HEPACAM: variants seen among roughly 807,000 people sequenced by gnomAD.
The protein encoded by HEPACAM is hepatic and glial cell adhesion molecule, also known as hepatocyte cell adhesion molecule.
Under a neutral mutation model 38.3 loss-of-function variants are expected in HEPACAM, and 18 were observed. The ratio of observed to expected loss-of-function variants is 0.47; its 90% CI spans 0.33 to 0.70. HEPACAM has a LOEUF of 0.70. HEPACAM is among the 30% of genes least tolerant of loss of function. The pLI is 0.03. For missense variants in HEPACAM, 466 were observed against 563.0 expected, an observed-to-expected ratio of 0.83 and a Z score of 1.74; for synonymous variants, 216 against 243.1, an observed-to-expected ratio of 0.89 and a Z score of 1.04.
Position 124,919,697 on chromosome 11 carries a change from T to C in HEPACAM, c.*1441A>G. The C allele has an allele frequency of 6.3e-7, 1 of 1,592,976 alleles. No homozygotes were observed. The highest frequency in any genetic ancestry group is 2.1e-4 in the Middle Eastern group (1 of 4,740). On this transcript the variant is annotated 3_prime_UTR_variant, in exon 7 of 7. Transcript: ENST00000298251. Reference sequence around the variant, plus strand: ...GGGGTTCAGGGCAGAGGGGGCAAACTAGAAATGTCAGTGCCTTTGGGGCTG... The same window carrying C: ...GGGGTTCAGGGCAGAGGGGGCAAACCAGAAATGTCAGTGCCTTTGGGGCTG...
In HEPACAM at chr11:124,920,680, A is replaced by AGGG. The variant is rs1947118782; in HGVS notation, c.*457_*458insCCC. On this transcript the variant is annotated 3_prime_UTR_variant, in exon 7 of 7. Coordinates refer to ENST00000298251, the MANE Select transcript of HEPACAM (RefSeq NM_152722.5). ...GTGGCCTCTCTAATCTGAACTTGCA[A>AGGG]AAAAAAAAAAAAAAAAAAAAAAAAA... 1.9e-6 allele frequency: 1 copy of AGGG among 528,840 alleles called. No individual in the cohort carries two copies. The highest frequency in any genetic ancestry group is 6.0e-5 in the African/African-American group (1 of 16,682). The allele number at this position is 528,840 out of a possible 1,614,324, so 32.8% of individuals were successfully genotyped here. A position where few individuals can be genotyped will look rare whatever the true frequency, so the allele number is the denominator to read the frequency against.
chr11:124,932,838 C>T (rs1037661041), intron 1 of HEPACAM, among the ~76,000 whole-genome samples: 4 of 152,156 alleles, frequency 2.6e-5, no homozygotes, highest in African/African-American at 9.7e-5. Flanking sequence ...AAAGAAGATA[C>T]ACCTCATGGT....
intron 1 of HEPACAM, among the ~76,000 whole-genome samples, chr11:124,926,944 C>T (rs1385739086): frequency 6.6e-6 from 1 of 152,150 alleles, no homozygotes; most frequent in East Asian, 1.9e-4. Flanking sequence ...TCTCAGCTCA[C>T]TGCAAGCTCC....
At chr11:124,932,171 C>G (rs1043733680) in intron 1 of HEPACAM, among the ~76,000 whole-genome samples, 3 of 152,152 alleles carry the variant, frequency 2.0e-5, no homozygotes, top group Non-Finnish European at 2.9e-5. Context: ...TTTAAAGGCT[C>G]ACCAAACTGT....
intron 1 of HEPACAM, among the ~76,000 whole-genome samples, chr11:124,934,024 C>A (rs1471720598): frequency 6.6e-6 from 1 of 152,184 alleles, no homozygotes; most frequent in African/African-American, 2.4e-5. Flanking sequence ...TTAACTCTCA[C>A]CTATGGGCTA....
intron 1 of HEPACAM, among the ~76,000 whole-genome samples, chr11:124,933,565 C>T (rs1377848911): frequency 1.3e-5 from 2 of 152,152 alleles, no homozygotes; most frequent in Non-Finnish European, 2.9e-5. Context: ...TACTGACCGA[C>T]GTGATCTTTC....
chr11:124,920,102 T>G lies in HEPACAM; in HGVS notation c.*1036A>C. 1 of 1,444,180 alleles carries G rather than the reference T, an allele frequency of 6.9e-7. No homozygotes were observed. The allele number at this position is 1,444,180 out of a possible 1,614,324, so 89.5% of individuals were successfully genotyped here. On this transcript the variant is annotated 3_prime_UTR_variant, in exon 7 of 7. Transcript: ENST00000298251. ...GGGTGGCAGGAGGCCAGGGGTTGGA[T>G]CATGTTCCCCCCAAATGCTGGGAAG...
In HEPACAM at chr11:124,919,372, C is replaced by A; in HGVS notation, c.*1766G>T. Reference sequence around the variant, plus strand: ...CACTTCCTTACTTACCCCTCCCCACCCCCAATTTAAGGCAGATTTGGCTTA... The same window carrying A: ...CACTTCCTTACTTACCCCTCCCCACACCCAATTTAAGGCAGATTTGGCTTA... On this transcript the variant is annotated 3_prime_UTR_variant, in exon 7 of 7. Transcript: ENST00000298251. The A allele has an allele frequency of 4.3e-6, 1 of 232,154 alleles. No homozygotes were observed. The highest frequency in any genetic ancestry group is 8.3e-6 in the Non-Finnish European group (1 of 119,982). 14.4% of individuals were successfully genotyped at this position (232,154 alleles called of 1,614,324 possible).
At chr11:124,933,839 A>G (rs2135408221) in intron 1 of HEPACAM, among the ~76,000 whole-genome samples, 1 of 152,034 alleles carries the variant, frequency 6.6e-6, no homozygotes, top group African/African-American at 2.4e-5. Flanking sequence ...AACTCCCTTG[A>G]TTTTCTGGAC....
At position 124,920,678 on chromosome 11, in the gene HEPACAM, CAAAAAAAAAAAAAAAAA is replaced by C. The variant is rs71042463; in HGVS notation, c.*443_*459del. On this transcript the variant is annotated 3_prime_UTR_variant, in exon 7 of 7. Transcript: ENST00000298251. ...AAGTGGCCTCTCTAATCTGAACTTG[CAAAAAAAAAAAAAAAAA>C]AAAAAAAAAAAAAAGTGCCCCAGCA... The C allele has an allele frequency of 1.0e-4, 60 of 575,260 alleles. No individual in the cohort carries two copies. The African/African-American group carries it at 1.2e-3, about 11-fold the overall frequency. 35.6% of individuals were successfully genotyped at this position (575,260 alleles called of 1,614,324 possible).
intron 1 of HEPACAM, 137 bp from the exon 2 acceptor site, chr11:124,925,206 G>T: frequency 1.5e-6 from 1 of 658,534 alleles, no homozygotes; most frequent in Non-Finnish European, 2.5e-6. Context: ...GGCTTCTTAA[G>T]CCTGGGTGCT....
intron 5 of HEPACAM, 24 bp downstream of exon 5, chr11:124,922,721 G>A (rs568857575): frequency 1.9e-6 from 3 of 1,614,212 alleles, no homozygotes; most frequent in East Asian, 2.2e-5. Context: ...GATGGGATGG[G>A]TGATTGGGTG....
In HEPACAM at chr11:124,934,928, A is replaced by G. The variant is rs1229381007; in HGVS notation, c.85+994T>C. Among the ~76,000 whole-genome samples, 3 of 152,190 alleles carry G rather than the reference A, an allele frequency of 2.0e-5. No individual in the cohort carries two copies. The East Asian group carries it at 5.8e-4, about 29-fold the overall frequency. ...GTCTGGTTTACAAAGCTCTTGCCTC[A>G]CTCAATTCATGCTTTTCTCTCCAGC... On this transcript the variant is annotated intron_variant, in intron 1 of 6. Coordinates refer to ENST00000298251, the MANE Select transcript of HEPACAM (RefSeq NM_152722.5).
intron 1 of HEPACAM, among the ~76,000 whole-genome samples, chr11:124,934,652 G>T (rs1425957745): frequency 6.6e-6 from 1 of 151,572 alleles, no homozygotes; most frequent in African/African-American, 2.4e-5. Flanking sequence ...CTGACACCTC[G>T]ATCTCCCACT....
In HEPACAM at chr11:124,920,677, GCAAAAAA is replaced by G. The variant is rs1947118012; in HGVS notation, c.*454_*460del. 507 of 107,882 alleles carry G rather than the reference GCAAAAAA, an allele frequency of 4.7e-3. 3 individuals are homozygous for G. The highest frequency in any genetic ancestry group is 9.0e-3 in the Middle Eastern group (2 of 222). 6.7% of individuals were successfully genotyped at this position (107,882 alleles called of 1,614,324 possible). A position where few individuals can be genotyped will look rare whatever the true frequency, so the allele number is the denominator to read the frequency against. On this transcript the variant is annotated 3_prime_UTR_variant, in exon 7 of 7. Coordinates refer to ENST00000298251, the MANE Select transcript of HEPACAM (RefSeq NM_152722.5). ...AAAGTGGCCTCTCTAATCTGAACTT[GCAAAAAA>G]AAAAAAAAAAAAAAAAAAAAAAAAA...
In HEPACAM at chr11:124,923,998, C is replaced by T; in HGVS notation, c.440G>A (p.Arg147Lys). Residue 147 changes from arginine to lysine, a missense_variant, in exon 3 of 7, where the codon AGG (arginine) becomes AAG (lysine). By Grantham distance (26) the Arg-to-Lys change is conservative. Transcript: ENST00000298251. ...INLTVDVPISRPQVLVASTTV... is the reference protein window; with the variant it reads ...INLTVDVPISKPQVLVASTTV... ...GGTTGAAGCCACCAACACCTGTGGC[C>T]TCGAAATGGGCACTGAGCCGCAGGA... The T allele has an allele frequency of 6.2e-7, 1 of 1,609,456 alleles. No homozygotes were observed. The highest frequency in any genetic ancestry group is 8.5e-7 in the Non-Finnish European group (1 of 1,179,530).
Position 124,924,541 on chromosome 11 carries a change from A to G in HEPACAM, c.427+187T>C, listed in dbSNP as rs1947182164. ...CAAAGCACTTAGAATAGTTTCTGGCACATGGCAATCACTCTACATGTTAGC... is the reference window on the plus strand; with the variant it reads ...CAAAGCACTTAGAATAGTTTCTGGCGCATGGCAATCACTCTACATGTTAGC... On this transcript the variant is annotated intron_variant, in intron 2 of 6. Transcript: ENST00000298251. The surrounding 1 kb of genome is among the most constrained non-coding windows in gnomAD (Gnocchi z 4.4). The G allele has an allele frequency of 4.3e-6, 3 of 690,452 alleles. No individual in the cohort carries two copies. The allele number at this position is 690,452 out of a possible 1,614,324, so 42.8% of individuals were successfully genotyped here. A position where few individuals can be genotyped will look rare whatever the true frequency, so the allele number is the denominator to read the frequency against.
At chr11:124,923,648 C>T in intron 3 of HEPACAM, 81 bp downstream of exon 3, 1 of 1,555,004 alleles carries the variant, frequency 6.4e-7, no homozygotes. Flanking sequence ...AGTGACATTT[C>T]TTTGGGATGT....
chr11:124,921,333 C>A lies in HEPACAM; in HGVS notation c.1056G>T (p.Gly352=). The change falls in exon 7 of 7, where the codon GGG becomes GGT. Residue 352 remains glycine, a synonymous_variant. Coordinates refer to ENST00000298251, the MANE Select transcript of HEPACAM (RefSeq NM_152722.5). The surrounding 1 kb of genome is among the most constrained non-coding windows in gnomAD (Gnocchi z 4.6). ...VSPAVPGRSP[G]LPIRSARRYP... is the part of the protein sequence containing the mutation. ...AGCGGCGGGCAGAGCGGATGGGCAG[C>A]CCCGGCGAGCGGCCGGGCACGGCGG... The A allele has an allele frequency of 7.9e-7, 1 of 1,269,504 alleles. No individual in the cohort carries two copies. The highest frequency in any genetic ancestry group is 9.9e-7 in the Non-Finnish European group (1 of 1,012,504). 78.6% of individuals were successfully genotyped at this position (1,269,504 alleles called of 1,614,324 possible).
Sources: allele counts gnomAD v4.1 joint callset (sites outside exome capture counted in the v4.1 genomes callset), GRCh38; gene constraint gnomAD v4.1.1; non-coding constraint Gnocchi (gnomAD v3.1); transcripts MANE v1.5; gene names NCBI Gene and HGNC (gene_info 2026-07-23, HGNC 2026-07-21).